The following CAMKMT variants were observed in gnomAD, a reference collection of about 807,000 sequenced individuals.
CAMKMT encodes calmodulin-lysine N-methyltransferase, also known as CaM KMT.
In CAMKMT, 53 loss-of-function variants were observed where a neutral mutation model predicts 48.0. The ratio of observed to expected loss-of-function variants is 1.10; its 90% CI spans 0.89 to 1.39. CAMKMT has a LOEUF of 1.39. Among genes scored for constraint, CAMKMT ranks in the 40% most tolerant of loss-of-function variants. CAMKMT has a pLI of 0.00. For synonymous variants in CAMKMT, 165 were observed against 152.3 expected (o/e 1.08, Z -0.61); for missense variants, 428 against 402.7 (o/e 1.06, Z -0.54).
chr2:44,649,394 T>G (rs1459146684), intron 3 of CAMKMT, among the ~76,000 whole-genome samples: 1 of 151,844 alleles, frequency 6.6e-6, no homozygotes, highest in Non-Finnish European at 1.5e-5. Context: ...GAGAAGGAAG[T>G]TGGATAATTG....
chr2:44,456,913 A>C (rs778744115), intron 3 of CAMKMT: 4 of 252,760 alleles, frequency 1.6e-5, no homozygotes, highest in African/African-American at 8.9e-5. Flanking sequence ...TCATTACAAT[A>C]AATTCTATTT....
chr2:44,641,921 C>T (rs1041304176), intron 3 of CAMKMT, among the ~76,000 whole-genome samples: 4 of 152,080 alleles, frequency 2.6e-5, no homozygotes, highest in Non-Finnish European at 4.4e-5. Flanking sequence ...GCCATCCTTG[C>T]GCCAATATTA....
chr2:44,605,336 T>C (rs530598151), intron 3 of CAMKMT, among the ~76,000 whole-genome samples: 5 of 152,288 alleles, frequency 3.3e-5, no homozygotes, highest in African/African-American at 9.6e-5. Flanking sequence ...TTATGGCCTT[T>C]ACAAACTGTA....
Position 44,743,659 on chromosome 2 carries a change from C to T in CAMKMT, c.661C>T (p.Leu221=). ...GGATAATGAGACAGATGTCTCTCAACTGGAAGGACATTTTGACATTGTTAT... is the reference window on the plus strand; with the variant it reads ...GGATAATGAGACAGATGTCTCTCAATTGGAAGGACATTTTGACATTGTTAT... ...RWDNETDVSQ[L]EGHFDIVMCA... The change falls in exon 8 of 11, where the codon CTG becomes TTG. Residue 221 remains leucine, a synonymous_variant. Transcript: ENST00000378494. 6.2e-7 allele frequency: 1 copy of T among 1,613,302 alleles called. No individual in the cohort carries two copies. The highest frequency in any genetic ancestry group is 8.5e-7 in the Non-Finnish European group (1 of 1,179,530).
At chr2:44,529,084 T>C (rs927686718) in intron 3 of CAMKMT, among the ~76,000 whole-genome samples, 9 of 152,202 alleles carry the variant, frequency 5.9e-5, no homozygotes, top group African/African-American at 1.7e-4. Context: ...ATAGTTTGTA[T>C]AGAAAAGGCA....
chr2:44,707,656 A>G (rs1677638878), intron 6 of CAMKMT, among the ~76,000 whole-genome samples, 194 bp downstream of exon 6: 1 of 152,118 alleles, frequency 6.6e-6, no homozygotes, highest in Non-Finnish European at 1.5e-5. Context: ...TTCTTTCCAT[A>G]GATTTTTATA....
intron 3 of CAMKMT, among the ~76,000 whole-genome samples, chr2:44,627,540 C>T (rs560483591): frequency 3.9e-5 from 6 of 151,956 alleles, no homozygotes; most frequent in Admixed American, 1.3e-4. Context: ...AAAAAAGTTT[C>T]GTTCACAGAT....
intron 6 of CAMKMT, 48 bp from the exon 7 acceptor site, chr2:44,715,239 T>A: frequency 7.9e-7 from 1 of 1,257,960 alleles, no homozygotes. Context: ...CCTTTTTTTT[T>A]GGTCACTTCA....
At chr2:44,707,640 G>T (rs896118416) in intron 6 of CAMKMT, among the ~76,000 whole-genome samples, 178 bp downstream of exon 6, 23 of 152,162 alleles carry the variant, frequency 1.5e-4, no homozygotes, top group Non-Finnish European at 3.1e-4. Context: ...AACTCCGTAG[G>T]TTTTTTTCTT....
chr2:44,438,842 TG>T (rs1470374170), intron 3 of CAMKMT, among the ~76,000 whole-genome samples: 1 of 152,166 alleles, frequency 6.6e-6, no homozygotes, highest in Non-Finnish European at 1.5e-5. Flanking sequence ...GTGTGCTTTT[TG>T]TTTGCTTCAA....
chr2:44,515,826 G>C (rs1479764876), intron 3 of CAMKMT, among the ~76,000 whole-genome samples: 3 of 152,128 alleles, frequency 2.0e-5, no homozygotes, highest in Admixed American at 1.3e-4. Flanking sequence ...AAAGATGCCA[G>C]CTTTAGTCTG....
chr2:44,486,100 G>A (rs1031406519), intron 3 of CAMKMT, among the ~76,000 whole-genome samples: 1 of 152,162 alleles, frequency 6.6e-6, no homozygotes, highest in African/African-American at 2.4e-5. Flanking sequence ...GAGTAGCTGG[G>A]ATTACAGGCC....
rs3083440 is a variant in CAMKMT, at chr2:44,614,936, C to CTTTTTTTTTTTTTTTTTT, written c.377-89340_377-89323dup. Among the ~76,000 whole-genome samples, 249 of 48,988 alleles carry CTTTTTTTTTTTTTTTTTT rather than the reference C, an allele frequency of 5.1e-3. 75 individuals are homozygous for CTTTTTTTTTTTTTTTTTT. The highest frequency in any genetic ancestry group is 9.7e-3 in the African/African-American group (94 of 9,642). 32.1% of individuals were successfully genotyped at this position (48,988 alleles called of 152,430 possible). On this transcript the variant is annotated intron_variant, in intron 3 of 10. Transcript: ENST00000378494. ...TCTAACCAGCTCTTTGGTCTCCTTG[C>CTTTTTTTTTTTTTTTTTT]TTTTTTTTTTTTTTTTTTTTTTTTG... is the stretch of plus-strand genomic sequence containing the variant.
chr2:44,670,698 A>G (rs991640167), intron 3 of CAMKMT, among the ~76,000 whole-genome samples: 95 of 152,190 alleles, frequency 6.2e-4, no homozygotes, highest in African/African-American at 2.1e-3. Flanking sequence ...ATTTAAAAAC[A>G]CAGATTGCTG....
intron 3 of CAMKMT, among the ~76,000 whole-genome samples, chr2:44,448,680 A>C (rs985602569): frequency 6.6e-6 from 1 of 152,188 alleles, no homozygotes; most frequent in Non-Finnish European, 1.5e-5. Context: ...CACCTCTGTA[A>C]ACATATTTTT....
rs1051442055 is a variant in CAMKMT, at chr2:44,459,299, C to G, written c.376+68994C>G. Reference sequence around the variant, plus strand: ...ACAATTAAAGTCATTTTATGTATACCTCAAATGCCTGATTATACACAAACC... The same window carrying G: ...ACAATTAAAGTCATTTTATGTATACGTCAAATGCCTGATTATACACAAACC... On this transcript the variant is annotated intron_variant, in intron 3 of 10. Transcript: ENST00000378494. Among the ~76,000 whole-genome samples, 3 of 151,960 alleles carry G rather than the reference C, an allele frequency of 2.0e-5. No individual in the cohort carries two copies. The East Asian group carries it at 5.8e-4, about 29-fold the overall frequency.
At chr2:44,716,254 T>C (rs1678169909) in intron 7 of CAMKMT, among the ~76,000 whole-genome samples, 1 of 152,074 alleles carries the variant, frequency 6.6e-6, no homozygotes, top group African/African-American at 2.4e-5. Context: ...ACTTCCCAGT[T>C]TGATTTTTTT....
At chr2:44,685,456 C>T (rs113376005) in intron 3 of CAMKMT, among the ~76,000 whole-genome samples, 19 of 152,248 alleles carry the variant, frequency 1.2e-4, no homozygotes, top group African/African-American at 4.6e-4. Context: ...AAGGTTTGAC[C>T]ACCAGTTATA....
chr2:44,627,421 T>C (rs542056229), intron 3 of CAMKMT, among the ~76,000 whole-genome samples: 1 of 152,256 alleles, frequency 6.6e-6, no homozygotes, highest in Admixed American at 6.5e-5. Context: ...CAAATGTTCT[T>C]CCTTCTTATG....
Sources: allele counts gnomAD v4.1 joint callset (sites outside exome capture counted in the v4.1 genomes callset), GRCh38; gene constraint gnomAD v4.1.1; transcripts MANE v1.5; gene names NCBI Gene and HGNC (gene_info 2026-07-23, HGNC 2026-07-21).